Variants in PPFIBP2 observed in about 807,000 individuals in gnomAD.
PPFIBP2 encodes PPFIB scaffold protein 2.
A neutral mutation model predicts 118.3 loss-of-function variants in PPFIBP2; 118 were observed. That is an observed-to-expected ratio of 1.00 (90% confidence interval 0.86 to 1.16). The LOEUF (loss-of-function observed/expected upper bound fraction) is 1.16. Among genes scored for constraint, PPFIBP2 ranks in the 50% most tolerant of loss-of-function variants. The pLI, the probability that PPFIBP2 is intolerant of heterozygous loss-of-function variation, is 0.00. For synonymous variants in PPFIBP2, 414 were observed against 397.4 expected (o/e 1.04, Z -0.50); for missense variants, 1,195 against 1,073.1 (o/e 1.11, Z -1.59).
chr11:7,657,022 T>A (rs1854749084), downstream of PPFIBP2: 1 of 345,802 alleles, frequency 2.9e-6, no homozygotes, highest in South Asian at 2.2e-5. Flanking sequence ...CACCGCAGGC[T>A]TCATACCTTT....
At chr11:7,566,242 A>G (rs1419513535) in intron 3 of PPFIBP2, among the ~76,000 whole-genome samples, 2 of 152,232 alleles carry the variant, frequency 1.3e-5, no homozygotes. Context: ...TCTTTGGTAA[A>G]AAGGCTAAAC....
At chr11:7,573,533 G>C (rs932212765) in intron 3 of PPFIBP2, among the ~76,000 whole-genome samples, 4 of 152,230 alleles carry the variant, frequency 2.6e-5, no homozygotes, top group African/African-American at 7.2e-5. Flanking sequence ...GTATGAGATA[G>C]ACTACATGGC....
At chr11:7,562,058 A>G (rs1854357707) in intron 2 of PPFIBP2, among the ~76,000 whole-genome samples, 1 of 152,214 alleles carries the variant, frequency 6.6e-6, no homozygotes, top group Non-Finnish European at 1.5e-5. Context: ...AGCAACCTAG[A>G]TCCCTCGCAT....
chr11:7,645,921 T>C (rs1002677665), intron 17 of PPFIBP2, among the ~76,000 whole-genome samples: 1 of 152,068 alleles, frequency 6.6e-6, no homozygotes, highest in Non-Finnish European at 1.5e-5. Context: ...AGGAAACAAA[T>C]GAAATAAAAA....
At chr11:7,525,643 A>T (rs1046267726) in intron 1 of PPFIBP2, among the ~76,000 whole-genome samples, 3 of 152,236 alleles carry the variant, frequency 2.0e-5, no homozygotes, top group African/African-American at 7.2e-5. Flanking sequence ...GCAGAGTCCA[A>T]ACCAGCTGGA....
At chr11:7,561,299 C>T (rs1564974423) in intron 2 of PPFIBP2, among the ~76,000 whole-genome samples, 1 of 152,200 alleles carries the variant, frequency 6.6e-6, no homozygotes, top group Non-Finnish European at 1.5e-5. Flanking sequence ...CTCCTGACCT[C>T]GGGTGGTCTG....
At position 7,653,597 on chromosome 11, in the gene PPFIBP2, G is replaced by A. The variant is rs1335910891; in HGVS notation, c.*379G>A. On this transcript the variant is annotated 3_prime_UTR_variant, in exon 24 of 24. Transcript: ENST00000299492. ...AGGCACCCCCTACACTTCAGTTGAGGGAAAAGCTCAAGTGCCTTAGGCCCG... is the reference window on the plus strand; with the variant it reads ...AGGCACCCCCTACACTTCAGTTGAGAGAAAAGCTCAAGTGCCTTAGGCCCG... The A allele has an allele frequency of 1.5e-6, 2 of 1,300,328 alleles. No individual in the cohort carries two copies. Among genetic ancestry groups the A allele is most frequent in the Non-Finnish European group, 2.0e-6 (2 of 996,588 alleles). 80.5% of individuals were successfully genotyped at this position (1,300,328 alleles called of 1,614,324 possible). A position where few individuals can be genotyped will look rare whatever the true frequency, so the allele number is the denominator to read the frequency against.
At chr11:7,528,791 C>T (rs1850436196) in intron 1 of PPFIBP2, among the ~76,000 whole-genome samples, 1 of 152,124 alleles carries the variant, frequency 6.6e-6, no homozygotes, top group Admixed American at 6.6e-5. Context: ...AAGCTCTGAG[C>T]AGGTGGGTGT....
chr11:7,570,443 A>G lies in PPFIBP2; in HGVS notation c.279+4676A>G, dbSNP rs1855537995. Among the ~76,000 whole-genome samples the G allele has an allele frequency of 1.3e-5, 2 of 152,178 alleles. 1 individual carries two copies. The highest frequency in any genetic ancestry group is 4.1e-4 in the South Asian group (2 of 4,828). On this transcript the variant is annotated intron_variant, in intron 3 of 23. Coordinates refer to ENST00000299492, the MANE Select transcript of PPFIBP2 (RefSeq NM_003621.5). ...GCCAGCCAGTCTGTTCTGCTGTTTA[A>G]TACATTGGGTATGGGCCAAGGAGAT... is the stretch of plus-strand genomic sequence containing the variant.
chr11:7,549,343 A>C (rs1294522548), intron 1 of PPFIBP2, 97 bp from the exon 2 acceptor site: 4 of 1,088,522 alleles, frequency 3.7e-6, no homozygotes. Flanking sequence ...TTATGAAAAC[A>C]CGTTGTGTGA....
intron 5 of PPFIBP2, among the ~76,000 whole-genome samples, chr11:7,608,064 C>T (rs1345240914): frequency 6.6e-6 from 1 of 152,128 alleles, no homozygotes; most frequent in South Asian, 2.1e-4. Flanking sequence ...CTCAGAGACT[C>T]AGATAACTTA....
chr11:7,553,634 T>A (rs1340259777), intron 2 of PPFIBP2, among the ~76,000 whole-genome samples: 1 of 152,222 alleles, frequency 6.6e-6, no homozygotes, highest in African/African-American at 2.4e-5. Flanking sequence ...TGAGCCTCAA[T>A]TTACTTATCG....
chr11:7,584,066 T>G (rs1857679139), intron 3 of PPFIBP2, among the ~76,000 whole-genome samples: 1 of 152,248 alleles, frequency 6.6e-6, no homozygotes, highest in African/African-American at 2.4e-5. Flanking sequence ...ATGATAGTAC[T>G]TATTACATCC....
Position 7,628,269 on chromosome 11 carries a change from A to G in PPFIBP2, c.827-16A>G. ...TATTTATATAAATAATTATTTCTAT[A>G]CCTGAATTCTTTTAGACCAAGAAAT... On this transcript the variant is annotated splice_polypyrimidine_tract_variant and intron_variant, in intron 8 of 23. Coordinates refer to ENST00000299492, the MANE Select transcript of PPFIBP2 (RefSeq NM_003621.5). 6.2e-7 allele frequency: 1 copy of G among 1,605,908 alleles called. No individual in the cohort carries two copies. Among genetic ancestry groups the G allele is most frequent in the Middle Eastern group, 1.7e-4 (1 of 6,036 alleles).
intron 1 of PPFIBP2, among the ~76,000 whole-genome samples, chr11:7,526,987 G>A (rs1380310753): frequency 1.3e-5 from 2 of 151,882 alleles, no homozygotes; most frequent in African/African-American, 4.8e-5. Flanking sequence ...TGGAGAACCA[G>A]GGTATGTGGT....
Position 7,648,831 on chromosome 11 carries a change from A to G in PPFIBP2, c.1829A>G (p.Lys610Arg), listed in dbSNP as rs1458852630. ...ELGIKHPLHR[K>R]KLVLAVKAIN... ...GGAATTAAGCACCCACTCCACAGGA[A>G]GAAGCTTGTTTTAGCAGTGAAAGCC... Residue 610 changes from lysine (K) to arginine (R), a missense_variant, in exon 19 of 24, where the codon AAG (lysine) becomes AGG (arginine). Transcript: ENST00000299492. The G allele has an allele frequency of 3.7e-6, 6 of 1,614,130 alleles. No individual in the cohort carries two copies. Among genetic ancestry groups the G allele is most frequent in the South Asian group, 1.1e-5 (1 of 91,082 alleles).
chr11:7,634,887 A>G (rs1041817323), intron 13 of PPFIBP2, among the ~76,000 whole-genome samples: 2 of 152,180 alleles, frequency 1.3e-5, no homozygotes, highest in Non-Finnish European at 1.5e-5. Context: ...AGATCAAGCC[A>G]GGGAAGATCT....
intron 2 of PPFIBP2, among the ~76,000 whole-genome samples, chr11:7,554,238 C>T (rs776734248): frequency 1.4e-4 from 21 of 152,238 alleles, no homozygotes; most frequent in East Asian, 1.9e-4. Flanking sequence ...CGTATTTCAA[C>T]GGAAAAAACC....
At chr11:7,665,438 T>C in the PPFIBP2 span, 3 of 1,613,154 alleles carry the variant, frequency 1.9e-6, no homozygotes, top group Non-Finnish European at 2.5e-6. Flanking sequence ...AGCCGCCGTC[T>C]GGATTAGTGG....
Sources: gnomAD v4.1 joint callset for allele counts (sites outside exome capture counted in the v4.1 genomes callset) on GRCh38, gnomAD v4.1.1 for gene constraint, MANE v1.5 for transcripts, NCBI Gene and HGNC (gene_info 2026-07-23, HGNC 2026-07-21) for gene names.